PLEKHG7: variants seen among roughly 807,000 people sequenced by gnomAD.
PLEKHG7 encodes the protein pleckstrin homology domain-containing family G member 7.
Under a neutral mutation model 85.2 loss-of-function variants are expected in PLEKHG7, and 77 were observed. The observed-to-expected ratio is 0.90, with a 90% CI of 0.75 to 1.09. The LOEUF (loss-of-function observed/expected upper bound fraction) is 1.09, where lower values mean the gene tolerates loss of function less well. PLEKHG7 is among the 50% of genes least tolerant of loss of function. PLEKHG7 has a pLI of 0.00. For missense variants in PLEKHG7, 777 were observed against 804.3 expected (o/e 0.97, Z 0.41); for synonymous variants, 301 against 302.4 (o/e 1.00, Z 0.05).
chr12:92,713,466 A>C lies in PLEKHG7; in HGVS notation c.530+5794A>C, dbSNP rs549839200. Among the ~76,000 whole-genome samples, 16 of 152,228 alleles carry C rather than the reference A, an allele frequency of 1.1e-4. No homozygotes were observed. The East Asian group carries it at 2.3e-3, about 22-fold the overall frequency. On this transcript the variant is annotated intron_variant, in intron 3 of 16. Coordinates refer to ENST00000344636, the MANE Select transcript of PLEKHG7 (RefSeq NM_001377329.1). ...TCCGTCCATTATGGTAGCTACACCC[A>C]CCTTGCCTTTGATGGTTGAGTGCTG... is the stretch of plus-strand genomic sequence containing the variant.
intron 3 of PLEKHG7, among the ~76,000 whole-genome samples, chr12:92,723,931 T>C (rs1194646327): frequency 1.3e-5 from 2 of 152,186 alleles, no homozygotes; most frequent in Non-Finnish European, 2.9e-5. Context: ...AGTGTATACA[T>C]CTAGAGTTCA....
At position 92,765,927 on chromosome 12, in the gene PLEKHG7, T is replaced by C. The variant is rs141214500; in HGVS notation, c.1870+1733T>C. Among the ~76,000 whole-genome samples, 9 of 152,318 alleles carry C rather than the reference T, an allele frequency of 5.9e-5. No individual in the cohort carries two copies. The East Asian group carries it at 1.7e-3, about 29-fold the overall frequency. ...GCCTCTGCCTCCTGTGTCCATTCTT[T>C]CTATTTTCAGTAAGATTTGCTGAAA... On this transcript the variant is annotated intron_variant, in intron 15 of 16. Transcript: ENST00000344636.
chr12:92,710,710 G>A (rs1459505803), intron 3 of PLEKHG7, among the ~76,000 whole-genome samples: 2 of 152,210 alleles, frequency 1.3e-5, no homozygotes, highest in Non-Finnish European at 2.9e-5. Context: ...GCACTCAGAA[G>A]TGGCTGTAGC....
In PLEKHG7 at chr12:92,769,001, C is replaced by T; in HGVS notation, c.1889C>T (p.Ala630Val). 2 of 1,595,112 alleles carry T rather than the reference C, an allele frequency of 1.3e-6. No homozygotes were observed. The highest frequency in any genetic ancestry group is 1.7e-6 in the Non-Finnish European group (2 of 1,167,134). Reference protein sequence around the residue: ...LHVSVFGLRNAFLIQHENRYR... With the variant: ...LHVSVFGLRNVFLIQHENRYR... ...TTTCTAGTCTTTGGGCTGAGAAATG[C>T]TTTTCTTATACAACACGAAAACAGA... Residue 630 changes from alanine (A) to valine (V), a missense_variant, in exon 16 of 17, where the codon GCT (alanine) becomes GTT (valine). Ala to Val is a moderately conservative substitution (Grantham distance 64). Coordinates refer to ENST00000344636, the MANE Select transcript of PLEKHG7 (RefSeq NM_001377329.1).
intron 16 of PLEKHG7, among the ~76,000 whole-genome samples, 189 bp from the exon 17 acceptor site, chr12:92,769,899 C>T (rs536800348): frequency 6.6e-6 from 1 of 152,226 alleles, no homozygotes; most frequent in East Asian, 1.9e-4. Context: ...CTGCATTTTC[C>T]TGTAAGATTA....
intron 15 of PLEKHG7, among the ~76,000 whole-genome samples, chr12:92,767,404 A>G (rs551985722): frequency 1.3e-5 from 2 of 152,374 alleles, no homozygotes; most frequent in East Asian, 3.9e-4. Flanking sequence ...AATGAATTCC[A>G]AAAACCAGCC....
At chr12:92,721,702 CAAAAAAAAAAAAAAAA>C (rs71069170) in intron 3 of PLEKHG7, among the ~76,000 whole-genome samples, 1 of 43,370 alleles carries the variant, frequency 2.3e-5, no homozygotes, top group African/African-American at 7.8e-5. Context: ...AGCATAAAAC[CAAAAAAAAAAAAAAAA>C]AAAAAAAAAA....
rs1871234658 is a variant in PLEKHG7 at position 92,706,642 on chromosome 12, CAG to C, written c.14_15del (p.Glu5ValfsTer33). On this transcript the variant is annotated frameshift_variant, in exon 2 of 17. Transcript: ENST00000344636. LOFTEE classifies it high-confidence loss of function. The stretch of plus-strand genomic sequence containing the variant: ...GAACCTCTTAGCTTTATGGAGAAAA[CAG>C]AGTCATTCTGTCCAGAGGTGCCACC... The C allele has an allele frequency of 6.2e-7, 1 of 1,606,884 alleles. No homozygotes were observed. Among genetic ancestry groups the C allele is most frequent in the Non-Finnish European group, 8.5e-7 (1 of 1,177,046 alleles).
chr12:92,729,611 A>G (rs1437609898), intron 4 of PLEKHG7, among the ~76,000 whole-genome samples: 1 of 152,038 alleles, frequency 6.6e-6, no homozygotes, highest in Non-Finnish European at 1.5e-5. Context: ...AAGCGTCTGC[A>G]TCTTCATCTC....
intron 3 of PLEKHG7, among the ~76,000 whole-genome samples, chr12:92,719,871 C>T (rs576515638): frequency 1.4e-3 from 209 of 152,318 alleles, no homozygotes; most frequent in Non-Finnish European, 2.1e-3. Flanking sequence ...CCACTGGCCA[C>T]AGAAGGAGAG....
At chr12:92,739,404 T>G (rs1193558481) in intron 7 of PLEKHG7, among the ~76,000 whole-genome samples, 3 of 152,144 alleles carry the variant, frequency 2.0e-5, no homozygotes, top group Admixed American at 2.0e-4. Context: ...AACCATGCTG[T>G]TTTTAGGGAA....
At chr12:92,711,701 T>C (rs999070016) in intron 3 of PLEKHG7, among the ~76,000 whole-genome samples, 4 of 152,184 alleles carry the variant, frequency 2.6e-5, no homozygotes, top group African/African-American at 9.7e-5. Flanking sequence ...GATTCACCTA[T>C]AGGGGACTGC....
At position 92,771,049 on chromosome 12, in the gene PLEKHG7, T is replaced by C. The variant is rs1592693058; in HGVS notation, c.*854T>C. The C allele has an allele frequency of 6.6e-6, 1 of 151,800 alleles. No homozygotes were observed. Among genetic ancestry groups the C allele is most frequent in the East Asian group, 1.9e-4 (1 of 5,170 alleles). 9.4% of individuals were successfully genotyped at this position (151,800 alleles called of 1,614,324 possible). A position where few individuals can be genotyped will look rare whatever the true frequency, so the allele number is the denominator to read the frequency against. Reference sequence around the variant, plus strand: ...AGCACAGTACAGTCACTTAATTTTATTTGGCAGGACTTCAAATTTCTTCAG... The same window carrying C: ...AGCACAGTACAGTCACTTAATTTTACTTGGCAGGACTTCAAATTTCTTCAG... On this transcript the variant is annotated 3_prime_UTR_variant, in exon 17 of 17. Coordinates refer to ENST00000344636, the MANE Select transcript of PLEKHG7 (RefSeq NM_001377329.1).
intron 3 of PLEKHG7, among the ~76,000 whole-genome samples, chr12:92,715,940 G>A (rs1335241529): frequency 2.6e-5 from 4 of 152,124 alleles, no homozygotes; most frequent in African/African-American, 4.8e-5. Flanking sequence ...TTACAGAAAA[G>A]GTGTGCTGAC....
intron 9 of PLEKHG7, among the ~76,000 whole-genome samples, chr12:92,743,459 T>C (rs1176735640): frequency 6.6e-6 from 1 of 151,822 alleles, no homozygotes; most frequent in African/African-American, 2.4e-5. Context: ...AGATAGAAAC[T>C]GAGGCTTAGA....
intron 3 of PLEKHG7, chr12:92,721,456 G>A (rs924381684): frequency 1.7e-5 from 21 of 1,230,520 alleles, no homozygotes; most frequent in Non-Finnish European, 2.0e-5. Context: ...GAAGGGAGAC[G>A]AGACTATTCC....
intron 3 of PLEKHG7, 131 bp from the exon 4 acceptor site, chr12:92,728,862 A>T (rs151096116): frequency 1.6e-6 from 1 of 629,060 alleles, no homozygotes; most frequent in East Asian, 3.5e-5. Context: ...CATTCCCACC[A>T]ATGGACTATA....
At chr12:92,718,782 T>C (rs1386197615) in intron 3 of PLEKHG7, among the ~76,000 whole-genome samples, 2 of 152,194 alleles carry the variant, frequency 1.3e-5, no homozygotes, top group East Asian at 3.8e-4. Flanking sequence ...TAAAAAACAG[T>C]AACCTAGAAA....
chr12:92,733,546 C>T (rs962871689), intron 5 of PLEKHG7, among the ~76,000 whole-genome samples: 1 of 152,146 alleles, frequency 6.6e-6, no homozygotes, highest in African/African-American at 2.4e-5. Context: ...TAGAGACGTG[C>T]TTTGTCTGTT....
Sources: gnomAD v4.1 joint callset for allele counts (sites outside exome capture counted in the v4.1 genomes callset) on GRCh38, gnomAD v4.1.1 for gene constraint, MANE v1.5 for transcripts, NCBI Gene and HGNC (gene_info 2026-07-23, HGNC 2026-07-21) for gene names.